The following KLF12 variants were observed in gnomAD, a reference collection of about 807,000 sequenced individuals.
KLF12 encodes KLF transcription factor 12.
In KLF12, 9 loss-of-function variants were observed where a neutral mutation model predicts 37.8. The observed-to-expected ratio is 0.24, with a 90% CI of 0.14 to 0.42. The LOEUF is 0.42. Ranked by LOEUF, KLF12 falls within the 10% of genes least tolerant of loss-of-function variation. The pLI is 1.00. For missense variants in KLF12, 411 were observed against 516.0 expected, an observed-to-expected ratio of 0.80 and a Z score of 1.97; for synonymous variants, 208 against 202.1, an observed-to-expected ratio of 1.03 and a Z score of -0.25.
At chr13:74,148,205 A>AC in the KLF12 span, among the ~76,000 whole-genome samples, 1 of 151,024 alleles carries the variant, frequency 6.6e-6, no homozygotes, top group Admixed American at 6.6e-5. Context: ...GTGAGCCACC[A>AC]CCCCCGGCCT....
At chr13:73,754,901 G>A (rs1879034692) in intron 6 of KLF12, among the ~76,000 whole-genome samples, 1 of 152,138 alleles carries the variant, frequency 6.6e-6, no homozygotes, top group Non-Finnish European at 1.5e-5. Context: ...TTACCTCTAG[G>A]TGGCAGCAAC....
At chr13:73,840,437 A>C (rs1272987812) in intron 4 of KLF12, among the ~76,000 whole-genome samples, 1 of 152,038 alleles carries the variant, frequency 6.6e-6, no homozygotes, top group African/African-American at 2.4e-5. Context: ...CCCAACTCCC[A>C]TCTCAAGCTC....
chr13:74,160,989 G>C, the KLF12 span, among the ~76,000 whole-genome samples: 1 of 152,016 alleles, frequency 6.6e-6, no homozygotes, highest in South Asian at 2.1e-4. Context: ...ATAACCAAGA[G>C]GCTAAGCTGT....
At chr13:73,942,379 T>C (rs1011163093) in intron 3 of KLF12, among the ~76,000 whole-genome samples, 3 of 152,108 alleles carry the variant, frequency 2.0e-5, no homozygotes, top group Non-Finnish European at 2.9e-5. Context: ...CCTTTCTGAA[T>C]GAGACGCCAG....
chr13:74,178,474 A>C, the KLF12 span, among the ~76,000 whole-genome samples: 3 of 152,198 alleles, frequency 2.0e-5, no homozygotes, highest in African/African-American at 4.8e-5. Flanking sequence ...TAGAAAAGAG[A>C]GGTGACTCTG....
At chr13:73,800,865 TCTCCACACCAG>T (rs1257714469) in intron 5 of KLF12, 10 of 152,118 alleles carry the variant, frequency 6.6e-5, no homozygotes, top group Admixed American at 5.2e-4. Context: ...AGAATTCCTT[TCTCCACACCAG>T]TAATTTTGCA....
At chr13:74,030,683 A>G (rs1270116243) in intron 1 of KLF12, among the ~76,000 whole-genome samples, 1 of 152,106 alleles carries the variant, frequency 6.6e-6, no homozygotes, top group Admixed American at 6.6e-5. Context: ...ACAATAAAGG[A>G]TGCATTTATA....
At chr13:74,061,974 G>C (rs1330113379) in intron 1 of KLF12, among the ~76,000 whole-genome samples, 1 of 152,180 alleles carries the variant, frequency 6.6e-6, no homozygotes, top group Non-Finnish European at 1.5e-5. Context: ...ACATACTTTG[G>C]TGGGGTTTTT....
At chr13:74,229,622 G>A in the KLF12 span, among the ~76,000 whole-genome samples, 2 of 152,186 alleles carry the variant, frequency 1.3e-5, no homozygotes, top group Admixed American at 6.6e-5. Flanking sequence ...CACTTGGAAA[G>A]TTATCTAAAA....
At chr13:74,091,970 A>C (rs748322318) in intron 1 of KLF12, among the ~76,000 whole-genome samples, 3 of 150,490 alleles carry the variant, frequency 2.0e-5, no homozygotes, top group Non-Finnish European at 4.4e-5. Flanking sequence ...GTGGGCATAA[A>C]ACTGCTCTAA....
At chr13:73,803,724 G>T (rs1188450405) in intron 5 of KLF12, among the ~76,000 whole-genome samples, 1 of 150,332 alleles carries the variant, frequency 6.7e-6, no homozygotes, top group Non-Finnish European at 1.5e-5. Flanking sequence ...ACACAAAGAA[G>T]GCTAGGACAT....
chr13:73,868,670 C>T (rs979617654), intron 3 of KLF12, among the ~76,000 whole-genome samples: 23 of 152,114 alleles, frequency 1.5e-4, no homozygotes, highest in Admixed American at 3.3e-4. Context: ...GGATTACAGG[C>T]GTGAGCCACT....
intron 2 of KLF12, among the ~76,000 whole-genome samples, chr13:73,944,297 CTGGGT>C (rs1208182221): frequency 2.0e-5 from 3 of 152,146 alleles, no homozygotes; most frequent in Admixed American, 6.5e-5. Context: ...TCTCTGACCT[CTGGGT>C]TGGAGGTCAG....
chr13:73,968,226 T>C (rs938033487), intron 2 of KLF12, among the ~76,000 whole-genome samples: 2 of 152,152 alleles, frequency 1.3e-5, no homozygotes, highest in African/African-American at 4.8e-5. Flanking sequence ...GACTTTGAAA[T>C]GAGAAAAATA....
chr13:74,158,320 AG>A, the KLF12 span, among the ~76,000 whole-genome samples: 3 of 152,122 alleles, frequency 2.0e-5, no homozygotes, highest in Non-Finnish European at 4.4e-5. Flanking sequence ...TGTAAGATGG[AG>A]GAGAGCTGGG....
chr13:74,221,232 T>C, the KLF12 span, among the ~76,000 whole-genome samples: 1 of 152,196 alleles, frequency 6.6e-6, no homozygotes, highest in Non-Finnish European at 1.5e-5. Flanking sequence ...GGTCTCGATC[T>C]CCTGACCTCG....
At chr13:73,947,140 A>C (rs1309549935) in intron 2 of KLF12, among the ~76,000 whole-genome samples, 1 of 152,222 alleles carries the variant, frequency 6.6e-6, no homozygotes, top group African/African-American at 2.4e-5. Context: ...AATTACAGTT[A>C]TCAATTTTAG....
the KLF12 span, among the ~76,000 whole-genome samples, chr13:74,193,999 G>C: frequency 2.6e-5 from 4 of 152,240 alleles, no homozygotes; most frequent in African/African-American, 9.6e-5. Flanking sequence ...ATTTTGATGG[G>C]TTTGGATATA....
intron 4 of KLF12, among the ~76,000 whole-genome samples, chr13:73,823,122 C>T (rs998743789): frequency 1.3e-5 from 2 of 151,962 alleles, no homozygotes; most frequent in African/African-American, 2.4e-5. Context: ...TTCTTATTTC[C>T]CTTAGTTGGT....
Sources: allele counts gnomAD v4.1 joint callset (sites outside exome capture counted in the v4.1 genomes callset), GRCh38; gene constraint gnomAD v4.1.1; transcripts MANE v1.5; gene names NCBI Gene and HGNC (gene_info 2026-07-23, HGNC 2026-07-21).